TSHZ3: variants seen among roughly 807,000 people sequenced by gnomAD.
The protein encoded by TSHZ3 is teashirt homolog 3.
In TSHZ3, 10 loss-of-function variants were observed where a neutral mutation model predicts 64.5. That is an observed-to-expected ratio of 0.16 (90% CI 0.10 to 0.26). The LOEUF (loss-of-function observed/expected upper bound fraction) is 0.26, where lower values mean the gene tolerates loss of function less well. Ranked by LOEUF, TSHZ3 falls within the 10% of genes least tolerant of loss-of-function variation. The probability of loss-of-function intolerance (pLI) is 1.00; values close to 1 mark genes in which losing one functional copy is unlikely to be tolerated. For synonymous variants in TSHZ3, 608 were observed against 593.1 expected (o/e 1.03, Z -0.36); for missense variants, 1,242 against 1,421.7 (o/e 0.87, Z 2.03).
At chr19:31,288,068 A>T (rs1465812604) in intron 1 of TSHZ3, among the ~76,000 whole-genome samples, 1 of 151,720 alleles carries the variant, frequency 6.6e-6, no homozygotes, top group Admixed American at 6.6e-5. Context: ...CTGGGTAGCT[A>T]GGACTACAGG....
intron 5 of TSHZ3, among the ~76,000 whole-genome samples, chr19:31,179,859 G>T (rs1974683442): frequency 2.6e-5 from 4 of 151,472 alleles, no homozygotes; most frequent in Admixed American, 2.6e-4. Context: ...TAGTAAAGAT[G>T]GTGGTGATGA....
chr19:31,191,372 A>T (rs1265283690), intron 5 of TSHZ3, among the ~76,000 whole-genome samples: 1 of 152,214 alleles, frequency 6.6e-6, no homozygotes, highest in Admixed American at 6.5e-5. Context: ...TGCAAGTTAT[A>T]ACACAATGGA....
chr19:31,272,656 T>C (rs2145206964), downstream of TSHZ3, among the ~76,000 whole-genome samples: 1 of 152,354 alleles, frequency 6.6e-6, no homozygotes, highest in South Asian at 2.1e-4. Context: ...TATTGATTTC[T>C]TGTTGTGAAG....
intron 1 of TSHZ3, among the ~76,000 whole-genome samples, chr19:31,341,070 G>T (rs1247321972): frequency 6.6e-6 from 1 of 152,172 alleles, no homozygotes; most frequent in Non-Finnish European, 1.5e-5. Flanking sequence ...ATGGGGGAAG[G>T]CACGTGGAAA....
At chr19:31,228,436 G>A (rs1043527999) in intron 3 of TSHZ3, among the ~76,000 whole-genome samples, 1 of 151,144 alleles carries the variant, frequency 6.6e-6, no homozygotes, top group African/African-American at 2.4e-5. Flanking sequence ...TGAGGGGGGA[G>A]GATCACATGA....
At chr19:31,198,710 T>A (rs1975029073) in intron 5 of TSHZ3, among the ~76,000 whole-genome samples, 1 of 152,068 alleles carries the variant, frequency 6.6e-6, no homozygotes, top group African/African-American at 2.4e-5. Flanking sequence ...TACATAGATA[T>A]AATAAATCTA....
At chr19:31,290,259 C>A (rs991364311) in intron 1 of TSHZ3, among the ~76,000 whole-genome samples, 3 of 152,142 alleles carry the variant, frequency 2.0e-5, no homozygotes, top group African/African-American at 7.2e-5. Flanking sequence ...TGCCACTAAC[C>A]AAACACATTC....
At chr19:31,283,739 C>A (rs1976405230) in intron 1 of TSHZ3, among the ~76,000 whole-genome samples, 1 of 152,218 alleles carries the variant, frequency 6.6e-6, no homozygotes, top group Non-Finnish European at 1.5e-5. Flanking sequence ...CCAACCTCAC[C>A]AACACTCAGC....
intron 1 of TSHZ3, among the ~76,000 whole-genome samples, chr19:31,266,112 G>A (rs867823825): frequency 6.6e-6 from 1 of 152,100 alleles, no homozygotes; most frequent in African/African-American, 2.4e-5. Flanking sequence ...CCACCACAAA[G>A]GCCTAGAGGT....
intron 1 of TSHZ3, among the ~76,000 whole-genome samples, chr19:31,289,766 C>T (rs781435834): frequency 2.0e-5 from 3 of 152,268 alleles, no homozygotes; most frequent in Admixed American, 6.5e-5. Context: ...AGCTGGGCCG[C>T]GTTCTCCTCC....
At chr19:31,320,049 A>G (rs914486524) in intron 1 of TSHZ3, among the ~76,000 whole-genome samples, 2 of 151,322 alleles carry the variant, frequency 1.3e-5, no homozygotes, top group South Asian at 4.1e-4. Context: ...CTGACGTATT[A>G]GGGAGCTCAC....
intron 1 of TSHZ3, among the ~76,000 whole-genome samples, chr19:31,280,256 G>C (rs1976338484): frequency 6.6e-6 from 1 of 151,530 alleles, no homozygotes. Flanking sequence ...TAAATATAAA[G>C]TATAAAAACA....
intron 1 of TSHZ3, among the ~76,000 whole-genome samples, chr19:31,304,061 G>A (rs1471807006): frequency 3.3e-5 from 5 of 151,552 alleles, no homozygotes; most frequent in African/African-American, 4.9e-5. Context: ...TGCAACCTCC[G>A]CCTCCCGGGT....
At chr19:31,348,105 T>G (rs1366158203) in intron 1 of TSHZ3, among the ~76,000 whole-genome samples, 1 of 152,252 alleles carries the variant, frequency 6.6e-6, no homozygotes, top group Non-Finnish European at 1.5e-5. Context: ...GTTACTCATA[T>G]CAAAATACAT....
chr19:31,283,352 A>G (rs932306166), intron 1 of TSHZ3, among the ~76,000 whole-genome samples: 2 of 152,192 alleles, frequency 1.3e-5, no homozygotes, highest in African/African-American at 4.8e-5. Context: ...ATACATAAAA[A>G]TAAAGGGAAA....
intron 3 of TSHZ3, among the ~76,000 whole-genome samples, chr19:31,233,482 A>G (rs1975566652): frequency 6.6e-6 from 1 of 152,112 alleles, no homozygotes. Context: ...TAGACTCTGG[A>G]TACTAGTCTT....
chr19:31,260,146 T>G (rs1910032635), intron 1 of TSHZ3, among the ~76,000 whole-genome samples: 1 of 152,160 alleles, frequency 6.6e-6, no homozygotes, highest in South Asian at 2.1e-4. Flanking sequence ...GCTCAGGACC[T>G]GGGGTCTGCA....
intron 5 of TSHZ3, among the ~76,000 whole-genome samples, chr19:31,200,108 C>T (rs959639538): frequency 6.6e-6 from 1 of 152,060 alleles, no homozygotes; most frequent in African/African-American, 2.4e-5. Context: ...AACTCTCACT[C>T]ATTGCTGGTG....
At chr19:31,157,728 T>C (rs1313626260) in intron 5 of TSHZ3, among the ~76,000 whole-genome samples, 1 of 152,214 alleles carries the variant, frequency 6.6e-6, no homozygotes, top group East Asian at 1.9e-4. Context: ...TAATCGCCTA[T>C]GGGAGGGCCC....
Sources: gnomAD v4.1 joint callset for allele counts (sites outside exome capture counted in the v4.1 genomes callset) on GRCh38, gnomAD v4.1.1 for gene constraint, MANE v1.5 for transcripts, NCBI Gene and HGNC (gene_info 2026-07-23, HGNC 2026-07-21) for gene names.